The following LRP1B variants were observed in gnomAD, a reference collection of about 807,000 sequenced individuals.
LRP1B encodes the protein LDL receptor related protein 1B, also known as low-density lipoprotein receptor-related protein 1B.
Under a neutral mutation model 556.6 loss-of-function variants are expected in LRP1B, and 217 were observed. That is an observed-to-expected ratio of 0.39 (90% CI 0.35 to 0.44). The LOEUF (loss-of-function observed/expected upper bound fraction) is 0.44. LRP1B is among the 20% of genes least tolerant of loss of function. The pLI, the probability that LRP1B is intolerant of heterozygous loss-of-function variation, is 1.00. For missense variants in LRP1B, 5,053 were observed against 5,620.8 expected, an observed-to-expected ratio of 0.90 and a Z score of 3.23; for synonymous variants, 2,047 against 1,865.8, an observed-to-expected ratio of 1.10 and a Z score of -2.50.
intron 41 of LRP1B, among the ~76,000 whole-genome samples, chr2:140,686,781 AAT>A (rs1242683380): frequency 6.6e-6 from 1 of 151,994 alleles, no homozygotes; most frequent in Non-Finnish European, 1.5e-5. Flanking sequence ...TAAGAAGGAA[AAT>A]ATGTCCATCG....
At chr2:141,811,384 C>T (rs1380037610) in intron 1 of LRP1B, among the ~76,000 whole-genome samples, 2 of 151,676 alleles carry the variant, frequency 1.3e-5, no homozygotes, top group Non-Finnish European at 2.9e-5. Flanking sequence ...AATAAAAATT[C>T]TAAGTGATAT....
chr2:142,089,337 T>A (rs932356039), intron 1 of LRP1B, among the ~76,000 whole-genome samples: 7 of 152,130 alleles, frequency 4.6e-5, no homozygotes, highest in African/African-American at 7.2e-5. Context: ...AAGACAAACA[T>A]AACTATAAGA....
At chr2:140,954,461 A>G (rs779967621) in intron 18 of LRP1B, among the ~76,000 whole-genome samples, 22 of 152,110 alleles carry the variant, frequency 1.4e-4, no homozygotes, top group Non-Finnish European at 4.4e-5. Context: ...TTAGGAGCAT[A>G]TTAATCAATA....
chr2:140,868,139 C>A lies in LRP1B; in HGVS notation c.4294G>T (p.Val1432Leu). 2 of 1,610,842 alleles carry A rather than the reference C, an allele frequency of 1.2e-6. No individual in the cohort carries two copies. The highest frequency in any genetic ancestry group is 1.7e-6 in the Non-Finnish European group (2 of 1,178,612). The change falls in exon 26 of 91, where the codon GTG becomes TTG. Residue 1432 changes from valine to leucine, a missense_variant. By Grantham distance (32) the Val-to-Leu change is conservative. This residue lies in a region of LRP1B where 3,619 missense variants were observed against 3,931.9 expected (regional missense o/e 0.92). Coordinates refer to ENST00000389484, the MANE Select transcript of LRP1B (RefSeq NM_018557.3). ...ACTATCCTTTTCTCAAAGTGGTCCA[C>A]AGTTAGTCCATTAGGCCAAGCCCCA... ...KTGAWPNGLTVDHFEKRIVWT... is the reference protein window; with the variant it reads ...KTGAWPNGLTLDHFEKRIVWT...
intron 2 of LRP1B, among the ~76,000 whole-genome samples, chr2:141,762,469 A>C (rs983030955): frequency 2.0e-5 from 3 of 152,124 alleles, no homozygotes; most frequent in Non-Finnish European, 4.4e-5. Flanking sequence ...AATGATAGAT[A>C]AAATATAAAA....
chr2:141,190,203 T>G (rs573121245), intron 6 of LRP1B, among the ~76,000 whole-genome samples: 1 of 152,116 alleles, frequency 6.6e-6, no homozygotes, highest in South Asian at 2.1e-4. Context: ...CAGGATACTA[T>G]ACTATCTTCA....
chr2:141,715,981 T>C (rs976517817), intron 2 of LRP1B, among the ~76,000 whole-genome samples: 10 of 152,306 alleles, frequency 6.6e-5, no homozygotes, highest in Non-Finnish European at 7.4e-5. Context: ...TATTTGTTGA[T>C]AGTCAAAGTC....
intron 86 of LRP1B, among the ~76,000 whole-genome samples, chr2:140,263,522 A>G (rs1682043082): frequency 6.6e-6 from 1 of 152,128 alleles, no homozygotes. Flanking sequence ...CCTTCAATTT[A>G]TCTTTCCCCT....
chr2:140,251,710 CA>C (rs1681426122), intron 86 of LRP1B, among the ~76,000 whole-genome samples: 1 of 151,530 alleles, frequency 6.6e-6, no homozygotes, highest in Non-Finnish European at 1.5e-5. Context: ...ATAAGTGGCA[CA>C]AAGGGATTAA....
intron 22 of LRP1B, 41 bp from the exon 23 acceptor site, chr2:140,903,206 C>T (rs2105223859): frequency 6.3e-7 from 1 of 1,596,990 alleles, no homozygotes; most frequent in South Asian, 1.1e-5. Flanking sequence ...TTATCAATTG[C>T]TTTCCTCAGT....
chr2:140,541,304 A>G (rs1680124937), intron 44 of LRP1B, among the ~76,000 whole-genome samples: 1 of 152,132 alleles, frequency 6.6e-6, no homozygotes, highest in Admixed American at 6.6e-5. Flanking sequence ...TTTCTAACAC[A>G]TTTGATACCA....
intron 7 of LRP1B, among the ~76,000 whole-genome samples, chr2:141,153,975 A>T (rs1221448289): frequency 6.6e-6 from 1 of 151,776 alleles, no homozygotes; most frequent in East Asian, 1.9e-4. Flanking sequence ...CCTCTCTGAG[A>T]ATAGCAAAAC....
intron 2 of LRP1B, among the ~76,000 whole-genome samples, chr2:141,561,547 C>T (rs1686153034): frequency 6.6e-6 from 1 of 151,938 alleles, no homozygotes; most frequent in Non-Finnish European, 1.5e-5. Flanking sequence ...CCAATTTCAC[C>T]TCTTTACAAT....
At chr2:140,263,588 CAT>C (rs1341872766) in intron 86 of LRP1B, among the ~76,000 whole-genome samples, 1 of 152,110 alleles carries the variant, frequency 6.6e-6, no homozygotes, top group African/African-American at 2.4e-5. Flanking sequence ...CAACATTTCG[CAT>C]AGTCTCTGCT....
At chr2:140,744,976 T>C (rs1159476381) in intron 35 of LRP1B, among the ~76,000 whole-genome samples, 1 of 152,162 alleles carries the variant, frequency 6.6e-6, no homozygotes, top group African/African-American at 2.4e-5. Flanking sequence ...CACAAAACAG[T>C]ACTAATATTG....
Position 140,274,597 on chromosome 2 carries a change from G to A in LRP1B, c.12969C>T (p.Tyr4323=), listed in dbSNP as rs147891267. ...PEYTGDRCQY[Y]VCHHYCVNSE... is the part of the protein sequence containing the mutation. ...AATTCACACAATAGTGGTGGCACAC[G>A]TCTAGGAAAAAAAGGCACAACAGAA... Residue 4323 remains tyrosine (Y), a splice_region_variant and synonymous_variant, in exon 85 of 91, where the codon TAC becomes TAT. Coordinates refer to ENST00000389484, the MANE Select transcript of LRP1B (RefSeq NM_018557.3). 8.5e-5 allele frequency: 136 copies of A among 1,605,172 alleles called. No individual in the cohort carries two copies. The highest frequency in any genetic ancestry group is 1.1e-4 in the Non-Finnish European group (129 of 1,175,826).
chr2:141,888,824 A>G (rs1699199825), intron 1 of LRP1B, among the ~76,000 whole-genome samples: 1 of 152,128 alleles, frequency 6.6e-6, no homozygotes, highest in South Asian at 2.1e-4. Context: ...GAAATCAGGT[A>G]ATGTGTTGAA....
At chr2:140,323,228 C>A (rs2046563) in intron 81 of LRP1B, among the ~76,000 whole-genome samples, 67,217 of 151,736 alleles carry the variant, frequency 0.44, 15,613 homozygotes, top group Non-Finnish European at 0.53. Context: ...TTGTTGTTCA[C>A]TGTTTTTGAT....
At chr2:140,417,172 A>T (rs1395434303) in intron 66 of LRP1B, among the ~76,000 whole-genome samples, 1 of 152,212 alleles carries the variant, frequency 6.6e-6, no homozygotes, top group Non-Finnish European at 1.5e-5. Context: ...GAAGAACAGA[A>T]GCAATTATTG....
Sources: allele counts gnomAD v4.1 joint callset (sites outside exome capture counted in the v4.1 genomes callset), GRCh38; gene constraint gnomAD v4.1.1; regional missense constraint gnomAD v4.1.1; transcripts MANE v1.5; gene names NCBI Gene and HGNC (gene_info 2026-07-23, HGNC 2026-07-21).